Variants in TTLL9 observed in about 807,000 individuals in gnomAD.
TTLL9 encodes probable tubulin polyglutamylase TTLL9.
In TTLL9, 47 loss-of-function variants were observed where a neutral mutation model predicts 65.6. The observed-to-expected ratio is 0.72, with a 90% CI of 0.57 to 0.91. The LOEUF (loss-of-function observed/expected upper bound fraction) is 0.91. TTLL9 is among the 40% of genes least tolerant of loss of function. TTLL9 has a pLI of 0.00. For missense variants in TTLL9, 537 were observed against 568.8 expected, an observed-to-expected ratio of 0.94 and a Z score of 0.57; for synonymous variants, 179 against 204.8, an observed-to-expected ratio of 0.87 and a Z score of 1.07.
At chr20:31,877,286 G>A (rs553414483) in intron 2 of TTLL9, among the ~76,000 whole-genome samples, 1 of 152,276 alleles carries the variant, frequency 6.6e-6, no homozygotes, top group South Asian at 2.1e-4. Flanking sequence ...TTACAGGCAT[G>A]TGCCACCACA....
At chr20:31,873,825 A>AAGGAAGGAAGG (rs1568723343) in intron 2 of TTLL9, among the ~76,000 whole-genome samples, 5 of 30,266 alleles carry the variant, frequency 1.7e-4, no homozygotes, top group African/African-American at 8.1e-4. Context: ...AGGAAGGAAG[A>AAGGAAGGAAGG]AAGAAAGAAA....
At chr20:31,922,926 T>C (rs1243051414) in intron 7 of TTLL9, 37 bp from the exon 8 acceptor site, 3 of 1,539,176 alleles carry the variant, frequency 1.9e-6, no homozygotes, top group South Asian at 2.2e-5. Flanking sequence ...AAATGTTCCA[T>C]AAATAAATGT....
At chr20:31,880,183 G>T (rs2063096665) in intron 2 of TTLL9, among the ~76,000 whole-genome samples, 1 of 152,140 alleles carries the variant, frequency 6.6e-6, no homozygotes, top group Non-Finnish European at 1.5e-5. Flanking sequence ...ACAACAGTGG[G>T]ACTCTAAGCT....
At chr20:31,918,110 G>A (rs564438163) in intron 6 of TTLL9, among the ~76,000 whole-genome samples, 17 of 151,668 alleles carry the variant, frequency 1.1e-4, no homozygotes, top group South Asian at 4.2e-4. Context: ...GTATGAGGGC[G>A]AAGTTTGGCA....
At chr20:31,874,065 G>T in intron 2 of TTLL9, among the ~76,000 whole-genome samples, 1 of 152,174 alleles carries the variant, frequency 6.6e-6, no homozygotes, top group East Asian at 1.9e-4. Flanking sequence ...TTACATGTAG[G>T]AAAGAATTCT....
Position 31,896,996 on chromosome 20 carries a change from T to G in TTLL9, c.114-1477T>G, listed in dbSNP as rs149131362. Among the ~76,000 whole-genome samples the G allele has an allele frequency of 4.1e-3, 626 of 152,354 alleles. 5 individuals are homozygous for G. The highest frequency in any genetic ancestry group is 0.014 in the African/African-American group (589 of 41,582). Reference sequence around the variant, plus strand: ...GGATATTGGTCTGTGGTTTACTTCTTGTGTACTGTCTTTGGTTTTGATATC... The same window carrying G: ...GGATATTGGTCTGTGGTTTACTTCTGGTGTACTGTCTTTGGTTTTGATATC... On this transcript the variant is annotated intron_variant, in intron 3 of 14. Coordinates refer to ENST00000535842, the MANE Select transcript of TTLL9 (RefSeq NM_001008409.5).
At chr20:31,907,193 C>G (rs1335570525) in intron 4 of TTLL9, among the ~76,000 whole-genome samples, 1 of 152,192 alleles carries the variant, frequency 6.6e-6, no homozygotes, top group Non-Finnish European at 1.5e-5. Flanking sequence ...ACTGCATGAA[C>G]TAGGTGAGTT....
intron 4 of TTLL9, among the ~76,000 whole-genome samples, chr20:31,907,636 G>A (rs752201514): frequency 6.6e-6 from 1 of 151,834 alleles, no homozygotes; most frequent in Non-Finnish European, 1.5e-5. Flanking sequence ...AAGGAAAATC[G>A]CTTGAACCCG....
At chr20:31,916,593 G>T (rs1414847249) in intron 6 of TTLL9, among the ~76,000 whole-genome samples, 2 of 152,152 alleles carry the variant, frequency 1.3e-5, no homozygotes, top group African/African-American at 4.8e-5. Context: ...GCATATCCAG[G>T]TTTGGGGATG....
chr20:31,939,305 G>T (rs201681726), intron 14 of TTLL9, 39 bp downstream of exon 14: 2 of 1,608,770 alleles, frequency 1.2e-6, no homozygotes, highest in East Asian at 4.5e-5. Flanking sequence ...CAAGGGATGG[G>T]GTCATGGGAG....
intron 3 of TTLL9, among the ~76,000 whole-genome samples, chr20:31,892,680 G>C (rs1034405624): frequency 2.0e-5 from 3 of 152,176 alleles, no homozygotes; most frequent in Admixed American, 2.0e-4. Flanking sequence ...ATTTGGAAAA[G>C]GGAAGATTTG....
At chr20:31,939,391 T>G in intron 14 of TTLL9, 125 bp downstream of exon 14, 31 of 1,187,282 alleles carry the variant, frequency 2.6e-5, no homozygotes, top group Non-Finnish European at 3.5e-5. Context: ...ACCAGCTGTG[T>G]GACCTTGGGC....
At chr20:31,875,137 A>G (rs1282149098) in intron 2 of TTLL9, among the ~76,000 whole-genome samples, 1 of 152,150 alleles carries the variant, frequency 6.6e-6, no homozygotes, top group Non-Finnish European at 1.5e-5. Flanking sequence ...CATGGCACAC[A>G]AGGAGGCCTT....
At chr20:31,930,193 C>G (rs1357881195) in intron 10 of TTLL9, among the ~76,000 whole-genome samples, 3 of 152,024 alleles carry the variant, frequency 2.0e-5, no homozygotes, top group South Asian at 4.1e-4. Context: ...CATCCCAACT[C>G]CCCAGTCCTG....
chr20:31,910,785 GC>G (rs917519532), intron 6 of TTLL9, among the ~76,000 whole-genome samples: 3 of 152,196 alleles, frequency 2.0e-5, no homozygotes, highest in Non-Finnish European at 4.4e-5. Flanking sequence ...ATACAAGTCT[GC>G]CTGGAAAAAA....
chr20:31,940,724 T>C (rs563674425), intron 14 of TTLL9: 1 of 152,232 alleles, frequency 6.6e-6, no homozygotes, highest in Non-Finnish European at 1.5e-5. Flanking sequence ...ATACTGGCTG[T>C]CAGTTGGGCC....
intron 5 of TTLL9, 36 bp downstream of exon 5, chr20:31,908,738 A>C: frequency 6.7e-7 from 1 of 1,486,840 alleles, no homozygotes; most frequent in Non-Finnish European, 9.4e-7. Flanking sequence ...GTGCCAACCA[A>C]CTCATGTCAC....
intron 3 of TTLL9, among the ~76,000 whole-genome samples, chr20:31,892,431 A>G (rs2063320517): frequency 6.6e-6 from 1 of 152,154 alleles, no homozygotes; most frequent in Admixed American, 6.5e-5. Flanking sequence ...CGGCCTCCCA[A>G]AGCTCTGGGT....
chr20:31,870,683 CGTGG>C lies in TTLL9; in HGVS notation c.-270_-267del. 1 of 1,041,554 alleles carries C rather than the reference CGTGG, an allele frequency of 9.6e-7. No individual in the cohort carries two copies. The highest frequency in any genetic ancestry group is 1.3e-6 in the Non-Finnish European group (1 of 798,670). 64.5% of individuals were successfully genotyped at this position (1,041,554 alleles called of 1,614,324 possible). A position where few individuals can be genotyped will look rare whatever the true frequency, so the allele number is the denominator to read the frequency against. ...GGACAACGGCAGTTTGTTGGGGCCG[CGTGG>C]GGCCGCCACCTCCGGAGGTGGGGGC... is the stretch of plus-strand genomic sequence containing the variant. On this transcript the variant is annotated 5_prime_UTR_variant, in exon 1 of 15. Transcript: ENST00000535842. The surrounding 1 kb of genome is among the most constrained non-coding windows in gnomAD (Gnocchi z 6.6).
Sources: gnomAD v4.1 joint callset for allele counts (sites outside exome capture counted in the v4.1 genomes callset) on GRCh38, gnomAD v4.1.1 for gene constraint, Gnocchi (gnomAD v3.1) non-coding constraint, MANE v1.5 for transcripts, NCBI Gene and HGNC (gene_info 2026-07-23, HGNC 2026-07-21) for gene names.